Variants in ST3GAL3 observed in about 807,000 individuals in gnomAD.
The protein encoded by ST3GAL3 is CMP-N-acetylneuraminate-beta-1,4-galactoside alpha-2,3-sialyltransferase.
ST3GAL3 carries 21 observed loss-of-function variants against 50.1 expected under a neutral mutation model. That is an observed-to-expected ratio of 0.42 (90% confidence interval 0.30 to 0.60). The LOEUF (loss-of-function observed/expected upper bound fraction) is 0.60, where lower values mean the gene tolerates loss of function less well. Ranked by LOEUF, ST3GAL3 falls within the 20% of genes least tolerant of loss-of-function variation. ST3GAL3 has a pLI of 0.19. For missense variants in ST3GAL3, 353 were observed against 489.4 expected (o/e 0.72, Z 2.63); for synonymous variants, 183 against 190.0 (o/e 0.96, Z 0.30).
At chr1:43,827,954 TGAA>T (rs150503325) in intron 4 of ST3GAL3, among the ~76,000 whole-genome samples, 107 of 152,300 alleles carry the variant, frequency 7.0e-4, no homozygotes, top group African/African-American at 2.4e-3. Context: ...AATCTACTGA[TGAA>T]GAAGAAGAAA....
intron 2 of ST3GAL3, among the ~76,000 whole-genome samples, chr1:43,765,784 TGCGCGC>T (rs67184106): frequency 7.3e-6 from 1 of 136,880 alleles, no homozygotes; most frequent in Non-Finnish European, 1.5e-5. Flanking sequence ...TGTGTGTGTG[TGCGCGC>T]GCGCGCGCGC....
intron 4 of ST3GAL3, chr1:43,815,142 C>T (rs779948638): frequency 1.1e-5 from 7 of 623,334 alleles, no homozygotes; most frequent in Non-Finnish European, 1.7e-5. Context: ...ATAAGGCCTT[C>T]GATTTGGCTG....
At chr1:43,799,161 A>G (rs1415536002) in intron 3 of ST3GAL3, among the ~76,000 whole-genome samples, 2 of 152,266 alleles carry the variant, frequency 1.3e-5, no homozygotes, top group Non-Finnish European at 2.9e-5. Flanking sequence ...AATAGTCACC[A>G]AAATATTTGT....
At chr1:43,759,064 C>T (rs1481776316) in intron 2 of ST3GAL3, among the ~76,000 whole-genome samples, 4 of 51,952 alleles carry the variant, frequency 7.7e-5, no homozygotes, top group Admixed American at 1.5e-4. Context: ...CAAAAGCGCG[C>T]GCACACACAC....
chr1:43,793,498 T>C (rs2058334660), intron 3 of ST3GAL3, among the ~76,000 whole-genome samples: 1 of 152,208 alleles, frequency 6.6e-6, no homozygotes, highest in Non-Finnish European at 1.5e-5. Context: ...TCTTTAATTA[T>C]AGATAAAGAA....
chr1:43,778,122 C>T (rs549314880), intron 2 of ST3GAL3, among the ~76,000 whole-genome samples: 1 of 152,224 alleles, frequency 6.6e-6, no homozygotes, highest in South Asian at 2.1e-4. Flanking sequence ...ATCATGTCCT[C>T]TGCAGGGACA....
chr1:43,851,442 C>T (rs954113477), intron 5 of ST3GAL3: 31 of 1,611,302 alleles, frequency 1.9e-5, no homozygotes, highest in East Asian at 1.8e-4. Flanking sequence ...CTGCAGGGCT[C>T]GCTTCTGACA....
chr1:43,861,653 C>T (rs2069957045), intron 5 of ST3GAL3, among the ~76,000 whole-genome samples: 1 of 152,220 alleles, frequency 6.6e-6, no homozygotes, highest in South Asian at 2.1e-4. Context: ...CAATGCCTTA[C>T]TAACCCATAG....
rs1558201901 is a variant in ST3GAL3 at position 43,765,770 on chromosome 1, T to C, written c.119-26332T>C. ...GTGTGTGTCTGTGTGTGTGTGTGTGTGTGTGTGTGTGTGTGCGCGCGCGCG... is the reference window on the plus strand; with the variant it reads ...GTGTGTGTCTGTGTGTGTGTGTGTGCGTGTGTGTGTGTGTGCGCGCGCGCG... On this transcript the variant is annotated intron_variant, in intron 2 of 11. Coordinates refer to ENST00000347631, the MANE Select transcript of ST3GAL3 (RefSeq NM_006279.5). Among the ~76,000 whole-genome samples, 18 of 127,888 alleles carry C rather than the reference T, an allele frequency of 1.4e-4. No homozygotes were observed. The South Asian group carries it at 1.8e-3, about 13-fold the overall frequency. 83.9% of individuals were successfully genotyped at this position (127,888 alleles called of 152,430 possible). A position where few individuals can be genotyped will look rare whatever the true frequency, so the allele number is the denominator to read the frequency against.
intron 2 of ST3GAL3, among the ~76,000 whole-genome samples, chr1:43,754,789 A>G (rs1687441912): frequency 6.6e-6 from 1 of 152,188 alleles, no homozygotes; most frequent in South Asian, 2.1e-4. Flanking sequence ...ACCTCTACAC[A>G]AAATTACAAA....
chr1:43,783,797 T>C (rs1432628129), intron 2 of ST3GAL3, among the ~76,000 whole-genome samples: 1 of 152,116 alleles, frequency 6.6e-6, no homozygotes, highest in East Asian at 1.9e-4. Context: ...CTCCCAGACT[T>C]CCTGATGTCC....
intron 2 of ST3GAL3, among the ~76,000 whole-genome samples, chr1:43,776,335 A>G (rs926919838): frequency 2.0e-5 from 3 of 152,150 alleles, no homozygotes; most frequent in East Asian, 3.9e-4. Flanking sequence ...GTGACTGGCT[A>G]TATGGGTTTT....
intron 2 of ST3GAL3, chr1:43,743,797 CT>C (rs1465650289): frequency 4.7e-6 from 1 of 214,530 alleles, no homozygotes; most frequent in Non-Finnish European, 9.2e-6. Flanking sequence ...CAATTTGGTT[CT>C]GCCACATCCT....
chr1:43,918,725 T>C (rs1471680525), intron 9 of ST3GAL3, among the ~76,000 whole-genome samples: 2 of 152,134 alleles, frequency 1.3e-5, no homozygotes, highest in Non-Finnish European at 2.9e-5. Flanking sequence ...ATTTGATAAA[T>C]CTCAAAACAT....
At chr1:43,709,371 TTGTCA>T (rs1255205137) in intron 1 of ST3GAL3, 1 of 152,208 alleles carries the variant, frequency 6.6e-6, no homozygotes, top group African/African-American at 2.4e-5. Flanking sequence ...AACACTTTAC[TTGTCA>T]TTGTCACTTT....
intron 4 of ST3GAL3, chr1:43,824,604 C>A: frequency 1.8e-6 from 2 of 1,083,766 alleles, no homozygotes; most frequent in South Asian, 2.6e-5. Flanking sequence ...CATAGCATTG[C>A]AGGATTTGGC....
intron 2 of ST3GAL3, among the ~76,000 whole-genome samples, chr1:43,755,250 A>G (rs1212094812): frequency 6.6e-6 from 1 of 152,386 alleles, no homozygotes; most frequent in Non-Finnish European, 1.5e-5. Flanking sequence ...AATGCTAAGC[A>G]TATGAAGAGA....
intron 5 of ST3GAL3, chr1:43,879,418 TGAGA>T (rs376576035): frequency 3.3e-4 from 149 of 456,240 alleles, no homozygotes; most frequent in African/African-American, 2.5e-3. Context: ...GAATGGACTC[TGAGA>T]GAAAGACAAG....
chr1:43,740,239 T>C (rs1343577625), intron 2 of ST3GAL3, among the ~76,000 whole-genome samples: 1 of 151,420 alleles, frequency 6.6e-6, no homozygotes, highest in Non-Finnish European at 1.5e-5. Flanking sequence ...GGCGCGCCCC[T>C]GTAGTCCCAG....
Sources: gnomAD v4.1 joint callset for allele counts (sites outside exome capture counted in the v4.1 genomes callset) on GRCh38, gnomAD v4.1.1 for gene constraint, MANE v1.5 for transcripts, NCBI Gene and HGNC (gene_info 2026-07-23, HGNC 2026-07-21) for gene names.